The following FHIT variants were observed in gnomAD, a reference collection of about 807,000 sequenced individuals.
FHIT encodes the protein fragile histidine triad diadenosine triphosphatase, also known as bis(5'-adenosyl)-triphosphatase.
A neutral mutation model predicts 17.9 loss-of-function variants in FHIT; 19 were observed. The ratio of observed to expected loss-of-function variants is 1.06; its 90% confidence interval spans 0.74 to 1.56. The LOEUF is 1.56. Ranked by LOEUF, FHIT falls within the 40% of genes most tolerant of loss-of-function variation. The pLI, the probability that FHIT is intolerant of heterozygous loss-of-function variation, is 0.00. For synonymous variants in FHIT, 81 were observed against 69.7 expected, an observed-to-expected ratio of 1.16 and a Z score of -0.81; for missense variants, 248 against 189.2, an observed-to-expected ratio of 1.31 and a Z score of -1.82.
intron 5 of FHIT, among the ~76,000 whole-genome samples, chr3:60,241,555 G>T (rs1356165455): frequency 6.6e-6 from 1 of 151,830 alleles, no homozygotes; most frequent in South Asian, 2.1e-4. Flanking sequence ...TGCTTTTTTT[G>T]TAAGGGTTGA....
chr3:60,676,023 T>C (rs1169844677), intron 4 of FHIT, among the ~76,000 whole-genome samples: 1 of 152,184 alleles, frequency 6.6e-6, no homozygotes, highest in Non-Finnish European at 1.5e-5. Flanking sequence ...GCAACTTACG[T>C]ATATCAATCT....
chr3:60,372,582 G>C (rs1223007654), intron 5 of FHIT, among the ~76,000 whole-genome samples: 1 of 152,174 alleles, frequency 6.6e-6, no homozygotes, highest in Non-Finnish European at 1.5e-5. Flanking sequence ...ATGAGTACAA[G>C]TTCGGGCCGA....
At chr3:60,771,521 C>A (rs1234620038) in intron 4 of FHIT, among the ~76,000 whole-genome samples, 1 of 152,196 alleles carries the variant, frequency 6.6e-6, no homozygotes, top group African/African-American at 2.4e-5. Flanking sequence ...CAGAGGCCTA[C>A]ATGGCCTACT....
chr3:60,400,237 A>T (rs1343986372), intron 5 of FHIT, among the ~76,000 whole-genome samples: 3 of 152,150 alleles, frequency 2.0e-5, no homozygotes, highest in Non-Finnish European at 4.4e-5. Flanking sequence ...ATAGCAGGGT[A>T]AGAAATGGAA....
At chr3:60,704,607 G>GAC (rs1345641415) in intron 4 of FHIT, among the ~76,000 whole-genome samples, 1 of 152,126 alleles carries the variant, frequency 6.6e-6, no homozygotes, top group South Asian at 2.1e-4. Context: ...GGCAGAAAGA[G>GAC]ACAGAAAAAC....
chr3:61,224,236 C>A (rs1359511463), intron 1 of FHIT, among the ~76,000 whole-genome samples: 1 of 152,048 alleles, frequency 6.6e-6, no homozygotes, highest in Non-Finnish European at 1.5e-5. Flanking sequence ...GTTTTTATGT[C>A]AATTCAAAAG....
chr3:59,802,545 C>T (rs1010873637), intron 8 of FHIT, among the ~76,000 whole-genome samples: 2 of 152,178 alleles, frequency 1.3e-5, no homozygotes, highest in African/African-American at 4.8e-5. Context: ...GACCCCCGCC[C>T]CTGCCCACCA....
chr3:60,143,887 T>C (rs989080458), intron 5 of FHIT, among the ~76,000 whole-genome samples: 1 of 152,086 alleles, frequency 6.6e-6, no homozygotes, highest in African/African-American at 2.4e-5. Flanking sequence ...GGCCTCCAAA[T>C]ACAGGCCATA....
chr3:60,484,256 T>C (rs2033741859), intron 5 of FHIT, among the ~76,000 whole-genome samples: 1 of 152,118 alleles, frequency 6.6e-6, no homozygotes, highest in African/African-American at 2.4e-5. Flanking sequence ...CCAAAGTAAT[T>C]TACAGATTCA....
intron 5 of FHIT, among the ~76,000 whole-genome samples, chr3:60,487,527 T>C (rs1393683724): frequency 6.6e-6 from 1 of 152,186 alleles, no homozygotes; most frequent in Non-Finnish European, 1.5e-5. Flanking sequence ...TCAAGATGGT[T>C]TGAACAAAAT....
intron 8 of FHIT, among the ~76,000 whole-genome samples, chr3:59,844,449 C>A (rs1283394919): frequency 1.3e-5 from 2 of 151,898 alleles, no homozygotes. Context: ...TGGCTCTTAT[C>A]ATGTTGGGGT....
At chr3:60,688,442 T>TG (rs1403186409) in intron 4 of FHIT, among the ~76,000 whole-genome samples, 25 of 152,008 alleles carry the variant, frequency 1.6e-4, no homozygotes, top group African/African-American at 4.8e-4. Flanking sequence ...TTTTTTGTTT[T>TG]TTTTTTTAGA....
chr3:60,327,565 A>AT (rs1709760959), intron 5 of FHIT, among the ~76,000 whole-genome samples: 1 of 152,232 alleles, frequency 6.6e-6, no homozygotes, highest in Non-Finnish European at 1.5e-5. Flanking sequence ...CATGTCTTGC[A>AT]TATGGTGTGT....
intron 5 of FHIT, among the ~76,000 whole-genome samples, chr3:60,094,086 A>C (rs940969315): frequency 6.6e-6 from 1 of 152,132 alleles, no homozygotes; most frequent in Non-Finnish European, 1.5e-5. Context: ...TTTAAAAAAA[A>C]ATATTGAAGA....
chr3:60,829,803 T>C (rs1702256569), intron 3 of FHIT, among the ~76,000 whole-genome samples: 1 of 152,168 alleles, frequency 6.6e-6, no homozygotes, highest in South Asian at 2.1e-4. Flanking sequence ...CATCCTTCTT[T>C]AGCATAAGGA....
intron 4 of FHIT, among the ~76,000 whole-genome samples, chr3:60,583,042 C>T (rs115650287): frequency 2.0e-4 from 31 of 151,746 alleles, no homozygotes; most frequent in Admixed American, 1.4e-3. Flanking sequence ...GGTCCCTATG[C>T]GTAAGACAAG....
intron 4 of FHIT, among the ~76,000 whole-genome samples, chr3:60,819,701 T>G (rs1184633957): frequency 6.6e-6 from 1 of 152,190 alleles, no homozygotes; most frequent in East Asian, 1.9e-4. Context: ...AACTATTCTT[T>G]GAGCAGTTCC....
intron 3 of FHIT, among the ~76,000 whole-genome samples, chr3:61,014,397 A>C (rs2031963319): frequency 6.6e-6 from 1 of 152,070 alleles, no homozygotes; most frequent in African/African-American, 2.4e-5. Context: ...GGAGGGACAT[A>C]TTTACAGCAG....
At chr3:60,839,257 T>C (rs1341293713) in intron 3 of FHIT, among the ~76,000 whole-genome samples, 1 of 152,162 alleles carries the variant, frequency 6.6e-6, no homozygotes, top group East Asian at 1.9e-4. Context: ...ACATTATCTT[T>C]AGTCTAATAC....
Sources: gnomAD v4.1 joint callset for allele counts (sites outside exome capture counted in the v4.1 genomes callset) on GRCh38, gnomAD v4.1.1 for gene constraint, MANE v1.5 for transcripts, NCBI Gene and HGNC (gene_info 2026-07-23, HGNC 2026-07-21) for gene names.